AK8: variants seen among roughly 807,000 people sequenced by gnomAD.
The protein encoded by AK8 is ATP-AMP transphosphorylase 8.
AK8 carries 44 observed loss-of-function variants against 54.6 expected under a neutral mutation model. That is an observed-to-expected ratio of 0.81 (90% CI 0.63 to 1.04). The LOEUF (loss-of-function observed/expected upper bound fraction) is 1.04, where lower values mean the gene tolerates loss of function less well. AK8 is among the 50% of genes least tolerant of loss of function. The pLI, the probability that AK8 is intolerant of heterozygous loss-of-function variation, is 0.00. For synonymous variants in AK8, 239 were observed against 245.6 expected (o/e 0.97, Z 0.25); for missense variants, 555 against 613.6 (o/e 0.90, Z 1.01).
chr9:132,817,003 C>T (rs565241440), intron 9 of AK8, among the ~76,000 whole-genome samples: 17 of 152,316 alleles, frequency 1.1e-4, no homozygotes, highest in African/African-American at 2.6e-4. Context: ...CAGGGTGAGA[C>T]TCCAGAGGCC....
Position 132,826,491 on chromosome 9 carries a change from A to G in AK8, c.757+363T>C, listed in dbSNP as rs1841875068. ...TGGTTTTGTTTTTGTCTTAATCTTT[A>G]TATATTTTTTCTTTCCTCTCCCTCA... On this transcript the variant is annotated intron_variant, in intron 8 of 12. Coordinates refer to ENST00000298545, the MANE Select transcript of AK8 (RefSeq NM_152572.3). The surrounding 1 kb of genome is among the most constrained non-coding windows in gnomAD (Gnocchi z 4.5). Among the ~76,000 whole-genome samples, 1 of 152,006 alleles carries G rather than the reference A, an allele frequency of 6.6e-6. No homozygotes were observed. Among genetic ancestry groups the G allele is most frequent in the Non-Finnish European group, 1.5e-5 (1 of 67,992 alleles).
chr9:132,835,493 C>T (rs17406861), intron 5 of AK8, among the ~76,000 whole-genome samples: 10,516 of 152,232 alleles, frequency 0.069, 494 homozygotes, highest in Middle Eastern at 0.12. Context: ...GTAGACCCAC[C>T]TGTCTAGAAA....
At chr9:132,815,826 C>T (rs1317305037) in intron 9 of AK8, among the ~76,000 whole-genome samples, 13 of 152,334 alleles carry the variant, frequency 8.5e-5, no homozygotes, top group Middle Eastern at 6.8e-3. Flanking sequence ...GTTCACTGCA[C>T]GCTTTTGGCT....
chr9:132,768,252 A>G lies in AK8; in HGVS notation c.1121+24382T>C, dbSNP rs1470766905. Reference sequence around the variant, plus strand: ...ATTATTATCTACCAATAAAAAATCAAAATCATTAACTTTTTAATTTTTTTT... The same window carrying G: ...ATTATTATCTACCAATAAAAAATCAGAATCATTAACTTTTTAATTTTTTTT... On this transcript the variant is annotated intron_variant, in intron 11 of 12. Coordinates refer to ENST00000298545, the MANE Select transcript of AK8 (RefSeq NM_152572.3). 3.4e-5 allele frequency among the ~76,000 whole-genome samples: 5 copies of G among 145,404 alleles called. No homozygotes were observed. The Admixed American group carries it at 3.6e-4, about 11-fold the overall frequency.
At chr9:132,775,513 G>A (rs1041039122) in intron 11 of AK8, among the ~76,000 whole-genome samples, 3 of 152,134 alleles carry the variant, frequency 2.0e-5, no homozygotes, top group African/African-American at 7.2e-5. Context: ...ATGTTGGCCA[G>A]TCTGGTCTCG....
At chr9:132,759,671 C>T (rs977929060) in intron 11 of AK8, among the ~76,000 whole-genome samples, 12 of 152,122 alleles carry the variant, frequency 7.9e-5, no homozygotes, top group African/African-American at 2.4e-4. Flanking sequence ...TACCCAGTTG[C>T]GCAGCATCAT....
chr9:132,779,030 C>T (rs1588121535), intron 11 of AK8, among the ~76,000 whole-genome samples: 1 of 152,192 alleles, frequency 6.6e-6, no homozygotes, highest in Admixed American at 6.5e-5. Context: ...ACCTTCCCCA[C>T]TTCCAAGCCA....
chr9:132,731,743 C>T (rs748790161), intron 11 of AK8, among the ~76,000 whole-genome samples: 1 of 152,160 alleles, frequency 6.6e-6, no homozygotes, highest in Non-Finnish European at 1.5e-5. Context: ...TGACTACATA[C>T]GTGGTGCTGA....
chr9:132,863,524 T>C (rs763194148), intron 4 of AK8, 141 bp downstream of exon 4: 1 of 629,440 alleles, frequency 1.6e-6, no homozygotes, highest in East Asian at 2.8e-5. Context: ...ACACCCTGCC[T>C]GTATCTCATT....
intron 10 of AK8, among the ~76,000 whole-genome samples, chr9:132,793,190 T>C (rs1384934285): frequency 6.6e-6 from 1 of 152,216 alleles, no homozygotes; most frequent in African/African-American, 2.4e-5. Flanking sequence ...AGATGGTGCC[T>C]TCTTGCTTCA....
intron 11 of AK8, among the ~76,000 whole-genome samples, chr9:132,737,451 C>T (rs1837174411): frequency 6.6e-6 from 1 of 152,154 alleles, no homozygotes; most frequent in South Asian, 2.1e-4. Context: ...ACCAACATCC[C>T]TCATAAACAC....
intron 4 of AK8, among the ~76,000 whole-genome samples, chr9:132,859,628 C>T (rs1719317837): frequency 6.6e-6 from 1 of 150,952 alleles, no homozygotes; most frequent in Non-Finnish European, 1.5e-5. Flanking sequence ...TCCTCCCCTA[C>T]CCTGTCCCCC....
At chr9:132,798,041 G>C (rs1290762861) in intron 10 of AK8, among the ~76,000 whole-genome samples, 2 of 152,218 alleles carry the variant, frequency 1.3e-5, no homozygotes, top group African/African-American at 4.8e-5. Flanking sequence ...GCGTGGCTAA[G>C]GAACTGCACT....
At chr9:132,739,297 C>T (rs978108886) in intron 11 of AK8, among the ~76,000 whole-genome samples, 2 of 151,346 alleles carry the variant, frequency 1.3e-5, no homozygotes, top group Admixed American at 6.6e-5. Flanking sequence ...TAAAGATAAG[C>T]CAGGTGTGAT....
At chr9:132,813,738 A>T (rs145373750) in intron 10 of AK8, among the ~76,000 whole-genome samples, 4,449 of 152,222 alleles carry the variant, frequency 0.029, 130 homozygotes, top group Middle Eastern at 0.048. Context: ...AGGAAGCCTG[A>T]CTAGAATGCT....
Position 132,790,817 on chromosome 9 carries a change from AGAGG to A in AK8, c.1121+1813_1121+1816del, listed in dbSNP as rs1839915540. Among the ~76,000 whole-genome samples, 1 of 152,218 alleles carries A rather than the reference AGAGG, an allele frequency of 6.6e-6. No homozygotes were observed. The highest frequency in any genetic ancestry group is 2.4e-5 in the African/African-American group (1 of 41,464). On this transcript the variant is annotated intron_variant, in intron 11 of 12. Transcript: ENST00000298545. The surrounding 1 kb of genome is among the most constrained non-coding windows in gnomAD (Gnocchi z 4.1). Reference sequence around the variant, plus strand: ...AACTGAAAAACTATCCAAAACAGTAAGAGGGTTTGAGAAGGTGGCTGGGGTATAA... The same window carrying A: ...AACTGAAAAACTATCCAAAACAGTAAGTTTGAGAAGGTGGCTGGGGTATAA...
chr9:132,796,755 CACAT>C (rs922038462), intron 10 of AK8, among the ~76,000 whole-genome samples: 5 of 149,038 alleles, frequency 3.4e-5, no homozygotes, highest in South Asian at 2.1e-4. Flanking sequence ...TTAATATATA[CACAT>C]ACATACATGC....
intron 11 of AK8, among the ~76,000 whole-genome samples, chr9:132,742,295 C>T (rs1837430005): frequency 6.6e-6 from 1 of 152,000 alleles, no homozygotes; most frequent in Non-Finnish European, 1.5e-5. Context: ...CCACTTCAGC[C>T]TCCCTAACAG....
In AK8 at chr9:132,852,375, C is replaced by T. The variant is rs370427432; in HGVS notation, c.402+2482G>A. 1.2e-4 allele frequency among the ~76,000 whole-genome samples: 19 copies of T among 152,106 alleles called. No homozygotes were observed. The East Asian group carries it at 2.7e-3, about 22-fold the overall frequency. On this transcript the variant is annotated intron_variant, in intron 5 of 12. Coordinates refer to ENST00000298545, the MANE Select transcript of AK8 (RefSeq NM_152572.3). ...TAGTAATCCCGGCACTTTGGAAGGT[C>T]GAGGCGGGTGGATCATGAGGTCAGG... is the stretch of plus-strand genomic sequence containing the variant.
Sources: gnomAD v4.1 joint callset for allele counts (sites outside exome capture counted in the v4.1 genomes callset) on GRCh38, gnomAD v4.1.1 for gene constraint, Gnocchi (gnomAD v3.1) non-coding constraint, MANE v1.5 for transcripts, NCBI Gene and HGNC (gene_info 2026-07-23, HGNC 2026-07-21) for gene names.